Variants in MAP3K9 observed in about 807,000 individuals in gnomAD.
The protein encoded by MAP3K9 is mixed lineage kinase 1 (tyr and ser/thr specificity).
A neutral mutation model predicts 95.8 loss-of-function variants in MAP3K9; 46 were observed. The observed-to-expected ratio is 0.48, with a 90% CI of 0.38 to 0.61. The LOEUF is 0.61. Among genes scored for constraint, MAP3K9 ranks in the 20% least tolerant of loss-of-function variants. The pLI, the probability that MAP3K9 is intolerant of heterozygous loss-of-function variation, is 0.00. For missense variants in MAP3K9, 1,296 were observed against 1,474.3 expected (o/e 0.88, Z 1.98); for synonymous variants, 533 against 593.8 (o/e 0.90, Z 1.49).
rs1373861491 is a variant in MAP3K9 at position 70,801,019 on chromosome 14, C to T, written c.468G>A (p.Gly156=). 2 of 1,614,238 alleles carry T rather than the reference C, an allele frequency of 1.2e-6. No homozygotes were observed. The highest frequency in any genetic ancestry group is 2.2e-5 in the South Asian group (2 of 91,084). The change falls in exon 2 of 12, where the codon GGG becomes GGA. Residue 156 remains glycine, a synonymous_variant. Transcript: ENST00000554752. ...CTATCCAGAAAGCACGATAGACCTT[C>T]CCAAAGCCCCCGATGCCAATAATCT... ...LEEIIGIGGF[G]KVYRAFWIGD... is the part of the protein sequence containing the mutation.
At chr14:70,740,849 T>C (rs1368583854) in intron 6 of MAP3K9, among the ~76,000 whole-genome samples, 2 of 152,256 alleles carry the variant, frequency 1.3e-5, no homozygotes, top group African/African-American at 4.8e-5. Context: ...ATAGCTTTTC[T>C]ATCTGCATCC....
At chr14:70,737,384 G>A (rs2053999824) in intron 8 of MAP3K9, among the ~76,000 whole-genome samples, 1 of 152,200 alleles carries the variant, frequency 6.6e-6, no homozygotes, top group South Asian at 2.1e-4. Context: ...AGGTGTGGTG[G>A]TGCCAGGGTT....
chr14:70,769,427 T>C (rs756048618), intron 2 of MAP3K9, among the ~76,000 whole-genome samples: 4 of 152,224 alleles, frequency 2.6e-5, no homozygotes, highest in East Asian at 1.9e-4. Flanking sequence ...CTAAATAAGA[T>C]AATGTTTAGT....
At chr14:70,769,001 C>T (rs967683315) in intron 2 of MAP3K9, among the ~76,000 whole-genome samples, 3 of 152,050 alleles carry the variant, frequency 2.0e-5, no homozygotes, top group African/African-American at 4.8e-5. Flanking sequence ...TATTGTTAAA[C>T]GTATTATACA....
chr14:70,770,345 T>TA (rs1365141427), intron 2 of MAP3K9, among the ~76,000 whole-genome samples: 2 of 151,918 alleles, frequency 1.3e-5, no homozygotes, highest in African/African-American at 4.8e-5. Context: ...GACGCCCAGA[T>TA]ACTTTTTTTT....
At chr14:70,759,184 A>C (rs1033457162) in intron 3 of MAP3K9, among the ~76,000 whole-genome samples, 4 of 152,178 alleles carry the variant, frequency 2.6e-5, no homozygotes, top group African/African-American at 9.7e-5. Context: ...GGTGTGGTTC[A>C]TGCCTATGAT....
At chr14:70,737,766 T>A (rs2139718778) in intron 8 of MAP3K9, among the ~76,000 whole-genome samples, 1 of 152,346 alleles carries the variant, frequency 6.6e-6, no homozygotes, top group African/African-American at 2.4e-5. Context: ...AAGAGCCAGG[T>A]ATAAGCAGAA....
intron 1 of MAP3K9, among the ~76,000 whole-genome samples, chr14:70,804,605 C>T (rs2054969224): frequency 6.6e-6 from 1 of 152,150 alleles, no homozygotes; most frequent in African/African-American, 2.4e-5. Flanking sequence ...CTCTTGTACC[C>T]TCCCTTCTTT....
chr14:70,808,872 G>A lies in MAP3K9; in HGVS notation c.300C>T (p.Asn100=), dbSNP rs1252213473. ...GDEGWWTGQL[N]QRVGIFPSNY... is the part of the protein sequence containing the mutation. ...TGCTGGGGAAGATGCCCACCCGCTG[G>A]TTCAGCTGCCCGGTCCACCAGCCCT... Residue 100 remains asparagine (N), a synonymous_variant, in exon 1 of 12, where the codon AAC becomes AAT. Coordinates refer to ENST00000554752, the MANE Select transcript of MAP3K9 (RefSeq NM_001284230.2). 1.9e-6 allele frequency: 3 copies of A among 1,599,992 alleles called. No individual in the cohort carries two copies. The East Asian group carries it at 6.8e-5, about 36-fold the overall frequency.
intron 2 of MAP3K9, among the ~76,000 whole-genome samples, chr14:70,768,499 T>G (rs2054488035): frequency 6.6e-6 from 1 of 151,998 alleles, no homozygotes; most frequent in Non-Finnish European, 1.5e-5. Flanking sequence ...TTTGAAGTGT[T>G]AGAGAGGAAT....
chr14:70,758,818 A>G (rs1349774729), intron 3 of MAP3K9, among the ~76,000 whole-genome samples: 1 of 151,738 alleles, frequency 6.6e-6, no homozygotes, highest in African/African-American at 2.4e-5. Flanking sequence ...GCTGGAGTGC[A>G]ATGGCACAAT....
chr14:70,798,200 C>T (rs1461464434), intron 2 of MAP3K9, among the ~76,000 whole-genome samples: 1 of 152,190 alleles, frequency 6.6e-6, no homozygotes, highest in Non-Finnish European at 1.5e-5. Context: ...ATACAAATCT[C>T]ATAAGAGGTA....
chr14:70,736,655 T>A (rs993540769), intron 8 of MAP3K9, among the ~76,000 whole-genome samples: 14 of 152,136 alleles, frequency 9.2e-5, no homozygotes, highest in African/African-American at 2.9e-4. Context: ...AGAAAAAAAA[T>A]ATTTAAATCA....
intron 1 of MAP3K9, 110 bp from the exon 2 acceptor site, chr14:70,801,190 C>A (rs923575584): frequency 5.0e-6 from 5 of 1,003,924 alleles, no homozygotes; most frequent in Admixed American, 2.7e-5. Context: ...GTTTACTGGG[C>A]CTTTCTGTCT....
In MAP3K9 at chr14:70,727,811, T is replaced by C. The variant is rs986742589; in HGVS notation, c.*2569A>G. 3.3e-5 allele frequency: 5 copies of C among 152,252 alleles called. No individual in the cohort carries two copies. The highest frequency in any genetic ancestry group is 7.3e-5 in the Non-Finnish European group (5 of 68,056). 9.4% of individuals were successfully genotyped at this position (152,252 alleles called of 1,614,324 possible). ...AGCAAAGACCCAGGCTTGCTTTATC[T>C]TTCCCCACAGTGGACAAGTAAGGAT... On this transcript the variant is annotated 3_prime_UTR_variant, in exon 12 of 12. Transcript: ENST00000554752.
intron 2 of MAP3K9, among the ~76,000 whole-genome samples, chr14:70,797,178 C>T (rs1014486448): frequency 1.5e-4 from 23 of 152,140 alleles, no homozygotes; most frequent in Non-Finnish European, 3.2e-4. Context: ...ACTCTTTTCT[C>T]GAATGGTCAA....
At chr14:70,799,209 C>T (rs1006466474) in intron 2 of MAP3K9, among the ~76,000 whole-genome samples, 1 of 152,112 alleles carries the variant, frequency 6.6e-6, no homozygotes, top group African/African-American at 2.4e-5. Context: ...CGCTATGTTG[C>T]CCAGGCTGGT....
chr14:70,731,279 C>T (rs1168418503), intron 11 of MAP3K9, among the ~76,000 whole-genome samples: 1 of 151,940 alleles, frequency 6.6e-6, no homozygotes, highest in African/African-American at 2.4e-5. Flanking sequence ...AACCCCATCT[C>T]TACAAAATTT....
chr14:70,800,629 T>C, intron 2 of MAP3K9, 38 bp downstream of exon 2: 1 of 1,587,692 alleles, frequency 6.3e-7, no homozygotes, highest in Non-Finnish European at 8.6e-7. Context: ...CAACTGCAAC[T>C]GCTCTGAGCC....
Sources: allele counts gnomAD v4.1 joint callset (sites outside exome capture counted in the v4.1 genomes callset), GRCh38; gene constraint gnomAD v4.1.1; transcripts MANE v1.5; gene names NCBI Gene and HGNC (gene_info 2026-07-23, HGNC 2026-07-21).